ULK4: variants seen among roughly 807,000 people sequenced by gnomAD.
The protein encoded by ULK4 is unc-51 like kinase 4.
Under a neutral mutation model 160.6 loss-of-function variants are expected in ULK4, and 133 were observed. The ratio of observed to expected loss-of-function variants is 0.83; its 90% CI spans 0.72 to 0.96. ULK4 has a LOEUF of 0.96. Ranked by LOEUF, ULK4 falls within the 40% of genes least tolerant of loss-of-function variation. The pLI, the probability that ULK4 is intolerant of heterozygous loss-of-function variation, is 0.00. For synonymous variants in ULK4, 534 were observed against 539.8 expected (o/e 0.99, Z 0.15); for missense variants, 1,580 against 1,499.5 (o/e 1.05, Z -0.89).
chr3:41,353,651 G>A lies in ULK4; in HGVS notation c.3678+44428C>T, dbSNP rs192414705. ...CCACTGCACTCCAGACTGGGTAATG[G>A]AGCAAGACCCTTTCTCTAATAAATA... On this transcript the variant is annotated intron_variant, in intron 35 of 36. Coordinates refer to ENST00000301831, the MANE Select transcript of ULK4 (RefSeq NM_017886.4). Among the ~76,000 whole-genome samples, 25 of 151,186 alleles carry A rather than the reference G, an allele frequency of 1.7e-4. No individual in the cohort carries two copies. In the East Asian group the frequency reaches 3.1e-3, roughly 19 times the overall value.
At chr3:41,487,584 G>A (rs993551723) in intron 32 of ULK4, among the ~76,000 whole-genome samples, 2 of 151,978 alleles carry the variant, frequency 1.3e-5, no homozygotes, top group African/African-American at 4.8e-5. Flanking sequence ...TATAAACAGA[G>A]GTTTCAAATT....
At chr3:41,397,222 T>C (rs566317513) in intron 35 of ULK4, among the ~76,000 whole-genome samples, 1 of 152,100 alleles carries the variant, frequency 6.6e-6, no homozygotes, top group African/African-American at 2.4e-5. Flanking sequence ...AGAAAGAGAA[T>C]AGGTTTTCAA....
In ULK4 at chr3:41,605,946, T is replaced by C. The variant is rs542568996; in HGVS notation, c.3120+9723A>G. Among the ~76,000 whole-genome samples, 8 of 152,082 alleles carry C rather than the reference T, an allele frequency of 5.3e-5. No individual in the cohort carries two copies. In the South Asian group the frequency reaches 1.7e-3, roughly 32 times the overall value. Reference sequence around the variant, plus strand: ...GTAATTAAAATCAATAAAAAATATATCTGACAGTCCCCCAAATACTGGGAA... The same window carrying C: ...GTAATTAAAATCAATAAAAAATATACCTGACAGTCCCCCAAATACTGGGAA... On this transcript the variant is annotated intron_variant, in intron 31 of 36. Coordinates refer to ENST00000301831, the MANE Select transcript of ULK4 (RefSeq NM_017886.4).
chr3:41,260,877 CCTCT>C (rs2078927149), intron 35 of ULK4, among the ~76,000 whole-genome samples: 1 of 152,198 alleles, frequency 6.6e-6, no homozygotes, highest in African/African-American at 2.4e-5. Flanking sequence ...GGTCTGTCAC[CCTCT>C]GCATGAAGCA....
chr3:41,826,398 T>G (rs950978587), intron 18 of ULK4, among the ~76,000 whole-genome samples: 23 of 152,124 alleles, frequency 1.5e-4, no homozygotes, highest in African/African-American at 5.6e-4. Context: ...ATCAGGGTGC[T>G]GTATTCAGGA....
At chr3:41,827,376 GT>G (rs1208720135) in intron 18 of ULK4, among the ~76,000 whole-genome samples, 2 of 151,950 alleles carry the variant, frequency 1.3e-5, no homozygotes, top group Non-Finnish European at 2.9e-5. Context: ...CCAGGAGCTG[GT>G]TTTTTGAAAA....
At chr3:41,286,588 C>T (rs1333416673) in intron 35 of ULK4, among the ~76,000 whole-genome samples, 1 of 152,106 alleles carries the variant, frequency 6.6e-6, no homozygotes, top group Admixed American at 6.5e-5. Context: ...AAGAGCTTCT[C>T]CAGGGCCCCG....
chr3:41,643,042 G>GT (rs1383726092), intron 30 of ULK4, among the ~76,000 whole-genome samples: 2 of 152,072 alleles, frequency 1.3e-5, no homozygotes, highest in Non-Finnish European at 2.9e-5. Flanking sequence ...GGGGTTGTTT[G>GT]TTTTTTTCTT....
At chr3:41,935,209 A>ATTTTTT (rs10524611) in intron 4 of ULK4, among the ~76,000 whole-genome samples, 2 of 135,610 alleles carry the variant, frequency 1.5e-5, no homozygotes, top group African/African-American at 6.5e-5. Flanking sequence ...TTATTTATTT[A>ATTTTTT]TTTTTTTTTT....
chr3:41,685,086 T>C (rs1448947471), intron 27 of ULK4, among the ~76,000 whole-genome samples: 1 of 152,222 alleles, frequency 6.6e-6, no homozygotes, highest in Non-Finnish European at 1.5e-5. Context: ...TCTGGTTTTA[T>C]ATTTGTGTGA....
chr3:41,689,559 T>A (rs1462219810), intron 27 of ULK4, among the ~76,000 whole-genome samples: 5 of 152,022 alleles, frequency 3.3e-5, no homozygotes. Context: ...AGGGCTAATA[T>A]CCAGCATCTA....
chr3:41,518,878 A>G (rs1450658806), intron 32 of ULK4, among the ~76,000 whole-genome samples: 2 of 152,252 alleles, frequency 1.3e-5, no homozygotes, highest in Non-Finnish European at 2.9e-5. Flanking sequence ...CTATGAAAGC[A>G]CTTACAGAGA....
intron 34 of ULK4, among the ~76,000 whole-genome samples, chr3:41,417,852 C>G (rs1459545618): frequency 2.0e-5 from 3 of 152,158 alleles, no homozygotes; most frequent in Non-Finnish European, 2.9e-5. Context: ...AACATACTAA[C>G]TACTCTGGTA....
At chr3:41,557,668 A>G (rs2087349103) in intron 32 of ULK4, among the ~76,000 whole-genome samples, 1 of 151,772 alleles carries the variant, frequency 6.6e-6, no homozygotes, top group African/African-American at 2.4e-5. Context: ...TGGGAGGCTG[A>G]AGTGGGAGAT....
chr3:41,682,660 T>G (rs1478125092), intron 27 of ULK4, among the ~76,000 whole-genome samples: 1 of 152,234 alleles, frequency 6.6e-6, no homozygotes, highest in African/African-American at 2.4e-5. Flanking sequence ...AATTTATATG[T>G]GACAGTATAT....
At chr3:41,674,655 T>G (rs1316569615) in intron 29 of ULK4, among the ~76,000 whole-genome samples, 2 of 152,188 alleles carry the variant, frequency 1.3e-5, no homozygotes, top group Non-Finnish European at 2.9e-5. Flanking sequence ...AACCACAAGA[T>G]AAAGACTACC....
intron 35 of ULK4, among the ~76,000 whole-genome samples, chr3:41,304,572 G>C (rs970257520): frequency 6.6e-6 from 1 of 152,156 alleles, no homozygotes; most frequent in African/African-American, 2.4e-5. Context: ...GAGAAAGTCT[G>C]GGGGCTCATA....
chr3:41,465,392 T>C (rs2083805686), intron 32 of ULK4, among the ~76,000 whole-genome samples: 2 of 152,312 alleles, frequency 1.3e-5, no homozygotes, highest in South Asian at 2.1e-4. Context: ...GTATAACAGA[T>C]AAAGACTCGT....
intron 32 of ULK4, among the ~76,000 whole-genome samples, chr3:41,518,753 T>G (rs1207526697): frequency 6.6e-6 from 1 of 152,212 alleles, no homozygotes; most frequent in East Asian, 1.9e-4. Flanking sequence ...AGCCAGATGT[T>G]AGCTGTCTGT....
Sources: allele counts gnomAD v4.1 joint callset (sites outside exome capture counted in the v4.1 genomes callset), GRCh38; gene constraint gnomAD v4.1.1; transcripts MANE v1.5; gene names NCBI Gene and HGNC (gene_info 2026-07-23, HGNC 2026-07-21).